The following STAG1 variants were observed in gnomAD, a reference collection of about 807,000 sequenced individuals.
The protein encoded by STAG1 is cohesin subunit SA-1.
A neutral mutation model predicts 170.9 loss-of-function variants in STAG1; 26 were observed. The observed-to-expected ratio is 0.15, with a 90% CI of 0.11 to 0.21. STAG1 has a LOEUF of 0.21. Ranked by LOEUF, STAG1 falls within the 10% of genes least tolerant of loss-of-function variation. The pLI, the probability that STAG1 is intolerant of heterozygous loss-of-function variation, is 1.00. For missense variants in STAG1, 964 were observed against 1,509.5 expected (o/e 0.64, Z 5.99); for synonymous variants, 514 against 497.7 (o/e 1.03, Z -0.44).
intron 3 of STAG1, among the ~76,000 whole-genome samples, chr3:136,605,023 T>G (rs141264317): frequency 6.6e-6 from 1 of 152,334 alleles, no homozygotes; most frequent in East Asian, 1.9e-4. Context: ...TTGCCCCTTC[T>G]TGACATTTCC....
chr3:136,621,615 T>A (rs1402715161), intron 3 of STAG1, among the ~76,000 whole-genome samples: 1 of 152,172 alleles, frequency 6.6e-6, no homozygotes, highest in Non-Finnish European at 1.5e-5. Flanking sequence ...CCCCATTATT[T>A]TTTTCCTTTA....
intron 2 of STAG1, 46 bp downstream of exon 2, chr3:136,630,824 A>C: frequency 7.2e-7 from 1 of 1,393,906 alleles, no homozygotes; most frequent in African/African-American, 1.5e-5. Flanking sequence ...AAGTTGTCCA[A>C]AATTTTCCTT....
At chr3:136,540,851 A>AAAAAAAAAAAAAAAAAAC (rs1559868703) in intron 6 of STAG1, among the ~76,000 whole-genome samples, 1 of 145,732 alleles carries the variant, frequency 6.9e-6, no homozygotes, top group African/African-American at 2.6e-5. Flanking sequence ...AAAAAAAAAA[A>AAAAAAAAAAAAAAAAAAC]ACCTATATAT....
In STAG1 at chr3:136,604,300, A is replaced by G; in HGVS notation, c.297+9T>C. ...TGCTTTATACGTGAAATAAAAACTT[A>G]AAATTTACCTGCATTGCACTTTTCC... On this transcript the variant is annotated intron_variant, in intron 4 of 33. Transcript: ENST00000383202. 2 of 1,601,912 alleles carry G rather than the reference A, an allele frequency of 1.2e-6. No homozygotes were observed. The highest frequency in any genetic ancestry group is 1.7e-6 in the Non-Finnish European group (2 of 1,176,542).
chr3:136,715,483 G>A (rs1943516200), intron 1 of STAG1, among the ~76,000 whole-genome samples: 1 of 151,936 alleles, frequency 6.6e-6, no homozygotes, highest in Non-Finnish European at 1.5e-5. Flanking sequence ...AGCCAGGCAT[G>A]GTGGTACACA....
At chr3:136,422,051 G>A (rs2087973256) in intron 19 of STAG1, among the ~76,000 whole-genome samples, 1 of 151,794 alleles carries the variant, frequency 6.6e-6, no homozygotes, top group African/African-American at 2.4e-5. Flanking sequence ...AGAGGCTGAG[G>A]CAGGAGAATC....
intron 1 of STAG1, among the ~76,000 whole-genome samples, chr3:136,724,599 AT>A (rs1405204868): frequency 2.2e-5 from 3 of 133,344 alleles, no homozygotes; most frequent in African/African-American, 9.5e-5. Flanking sequence ...AGAATGATCA[AT>A]AAAAAAAAAA....
At chr3:136,604,501 T>A (rs375021747) in intron 3 of STAG1, 28 bp from the exon 4 acceptor site, 1 of 1,571,134 alleles carries the variant, frequency 6.4e-7, no homozygotes, top group Non-Finnish European at 8.6e-7. Context: ...AAAGATTCCA[T>A]TCGATTAGGT....
At chr3:136,340,737 T>C (rs113547933) in intron 31 of STAG1, 132 bp from the exon 32 acceptor site, 27 of 604,244 alleles carry the variant, frequency 4.5e-5, no homozygotes, top group African/African-American at 2.6e-4. Flanking sequence ...CTACACAAAT[T>C]AGACTGAATT....
intron 1 of STAG1, among the ~76,000 whole-genome samples, chr3:136,650,605 T>C (rs1469671033): frequency 1.3e-5 from 2 of 152,216 alleles, no homozygotes; most frequent in Non-Finnish European, 2.9e-5. Flanking sequence ...AGGCCTTCAA[T>C]GTTAGTCCAG....
chr3:136,412,232 G>T (rs546519139), intron 21 of STAG1, among the ~76,000 whole-genome samples: 13 of 152,118 alleles, frequency 8.5e-5, no homozygotes, highest in Non-Finnish European at 2.9e-5. Flanking sequence ...TGTAAAAAGT[G>T]AGTGAATGAA....
chr3:136,590,376 C>T (rs1480920840), intron 4 of STAG1, among the ~76,000 whole-genome samples: 1 of 151,508 alleles, frequency 6.6e-6, no homozygotes, highest in Non-Finnish European at 1.5e-5. Context: ...GCCTGTAATC[C>T]CAGCTACTCG....
At chr3:136,684,251 G>A (rs1048106701) in intron 1 of STAG1, among the ~76,000 whole-genome samples, 4 of 152,078 alleles carry the variant, frequency 2.6e-5, no homozygotes, top group East Asian at 1.9e-4. Flanking sequence ...GAACAAAGTC[G>A]GAAAACTAAC....
At chr3:136,747,326 C>T (rs1934993002) in intron 1 of STAG1, among the ~76,000 whole-genome samples, 1 of 151,022 alleles carries the variant, frequency 6.6e-6, no homozygotes, top group Non-Finnish European at 1.5e-5. Flanking sequence ...AATCACACCA[C>T]AGCAACTGTC....
intron 14 of STAG1, among the ~76,000 whole-genome samples, 181 bp downstream of exon 14, chr3:136,451,852 A>C (rs548529392): frequency 1.3e-5 from 2 of 152,174 alleles, no homozygotes; most frequent in African/African-American, 4.8e-5. Context: ...CCACACCTAC[A>C]TATATATTCA....
chr3:136,354,584 G>A (rs1026409848), intron 28 of STAG1, among the ~76,000 whole-genome samples: 1 of 151,706 alleles, frequency 6.6e-6, no homozygotes, highest in East Asian at 1.9e-4. Context: ...TTACAGGTGT[G>A]AGCCACTGCA....
chr3:136,603,481 A>G (rs1403603933), intron 4 of STAG1, among the ~76,000 whole-genome samples: 1 of 152,250 alleles, frequency 6.6e-6, no homozygotes, highest in Non-Finnish European at 1.5e-5. Context: ...TGATAAAAAT[A>G]TACACACTAA....
intron 30 of STAG1, among the ~76,000 whole-genome samples, chr3:136,341,828 G>A (rs901952484): frequency 1.4e-4 from 21 of 152,280 alleles, no homozygotes; most frequent in Admixed American, 7.8e-4. Context: ...GGCTGGTGCC[G>A]CACTCACAGG....
At chr3:136,724,296 G>T (rs1311802710) in intron 1 of STAG1, among the ~76,000 whole-genome samples, 1 of 152,006 alleles carries the variant, frequency 6.6e-6, no homozygotes, top group Non-Finnish European at 1.5e-5. Flanking sequence ...GTTGATCAGT[G>T]ACCCTACCCC....
Sources: gnomAD v4.1 joint callset for allele counts (sites outside exome capture counted in the v4.1 genomes callset) on GRCh38, gnomAD v4.1.1 for gene constraint, MANE v1.5 for transcripts, NCBI Gene and HGNC (gene_info 2026-07-23, HGNC 2026-07-21) for gene names.